PLPPR1: variants seen among roughly 807,000 people sequenced by gnomAD.
PLPPR1 encodes the protein phospholipid phosphatase-related protein type 1.
Under a neutral mutation model 33.1 loss-of-function variants are expected in PLPPR1, and 10 were observed. That is an observed-to-expected ratio of 0.30 (90% CI 0.19 to 0.51). PLPPR1 has a LOEUF of 0.51. PLPPR1 is among the 20% of genes least tolerant of loss of function. The probability of loss-of-function intolerance (pLI) is 0.97; values close to 1 mark genes in which losing one functional copy is unlikely to be tolerated. For synonymous variants in PLPPR1, 151 were observed against 151.0 expected, an observed-to-expected ratio of 1.00 and a Z score of 0.00; for missense variants, 304 against 408.1, an observed-to-expected ratio of 0.74 and a Z score of 2.20.
intron 4 of PLPPR1, among the ~76,000 whole-genome samples, chr9:101,297,578 G>A (rs1194708110): frequency 6.6e-6 from 1 of 152,074 alleles, no homozygotes; most frequent in African/African-American, 2.4e-5. Flanking sequence ...TTATAAGAAA[G>A]CTGCCTGTCC....
intron 1 of PLPPR1, among the ~76,000 whole-genome samples, chr9:101,142,953 G>C (rs1379158640): frequency 6.6e-6 from 1 of 152,064 alleles, no homozygotes; most frequent in African/African-American, 2.4e-5. Flanking sequence ...GCTTCTGTGA[G>C]GTAGATGTTC....
At chr9:101,241,336 T>C (rs924101665) in intron 2 of PLPPR1, among the ~76,000 whole-genome samples, 4 of 152,040 alleles carry the variant, frequency 2.6e-5, no homozygotes, top group African/African-American at 7.2e-5. Flanking sequence ...GGGTGTCCAG[T>C]CTTTTGGCTT....
At chr9:101,289,303 A>G (rs945545820) in intron 4 of PLPPR1, among the ~76,000 whole-genome samples, 11 of 152,210 alleles carry the variant, frequency 7.2e-5, no homozygotes, top group Non-Finnish European at 5.9e-5. Context: ...CCTTGCACCT[A>G]CATCTGTTAT....
chr9:101,202,582 C>T (rs1297727218), intron 2 of PLPPR1, among the ~76,000 whole-genome samples: 4 of 152,162 alleles, frequency 2.6e-5, no homozygotes, highest in African/African-American at 2.4e-5. Context: ...GATTTGAATG[C>T]AAGTAGTTTA....
intron 2 of PLPPR1, among the ~76,000 whole-genome samples, chr9:101,220,727 T>C (rs1758958120): frequency 6.6e-6 from 1 of 152,206 alleles, no homozygotes; most frequent in Non-Finnish European, 1.5e-5. Context: ...TAACTGTTTT[T>C]CCTCTTAAGC....
chr9:101,240,446 A>G (rs1320176090), intron 2 of PLPPR1, among the ~76,000 whole-genome samples: 1 of 150,500 alleles, frequency 6.6e-6, no homozygotes, highest in Non-Finnish European at 1.5e-5. Context: ...TATCATTGGC[A>G]TTTTGATTTG....
chr9:101,077,968 A>T (rs888870485), intron 1 of PLPPR1, among the ~76,000 whole-genome samples: 2 of 150,810 alleles, frequency 1.3e-5, no homozygotes, highest in Non-Finnish European at 2.9e-5. Flanking sequence ...AATGTTTATG[A>T]TCATTCCTTT....
chr9:101,287,291 C>T (rs1389616573), intron 4 of PLPPR1, among the ~76,000 whole-genome samples: 1 of 152,126 alleles, frequency 6.6e-6, no homozygotes, highest in East Asian at 1.9e-4. Flanking sequence ...ACAGGGTATA[C>T]CCTGATCAAT....
chr9:101,232,768 G>C (rs1827217531), intron 2 of PLPPR1, among the ~76,000 whole-genome samples: 1 of 151,850 alleles, frequency 6.6e-6, no homozygotes, highest in South Asian at 2.1e-4. Flanking sequence ...ATGAGGTCTT[G>C]GGCAAGTTAT....
rs183569157 is a variant in PLPPR1, at chr9:101,122,982, G to T, written c.-45-62468G>T. Among the ~76,000 whole-genome samples the T allele has an allele frequency of 1.6e-4, 25 of 152,288 alleles. No individual in the cohort carries two copies. In the East Asian group the frequency reaches 4.8e-3, roughly 29 times the overall value. On this transcript the variant is annotated intron_variant, in intron 1 of 7. Coordinates refer to ENST00000374874, the MANE Select transcript of PLPPR1 (RefSeq NM_207299.2). ...TACAATGTTTTGGGGCCTCATAAAA[G>T]CACTCTTCCCTTAGACCTGAATGTA...
At chr9:101,166,287 C>T (rs1825857155) in intron 1 of PLPPR1, among the ~76,000 whole-genome samples, 1 of 152,024 alleles carries the variant, frequency 6.6e-6, no homozygotes, top group South Asian at 2.1e-4. Context: ...ATCCAAAGAT[C>T]AGTTTTTCAT....
chr9:101,207,511 C>T (rs761776231), intron 2 of PLPPR1, among the ~76,000 whole-genome samples: 2 of 152,030 alleles, frequency 1.3e-5, no homozygotes, highest in African/African-American at 2.4e-5. Flanking sequence ...TTTTGAAAGT[C>T]GTTCCAGGGG....
chr9:101,162,411 A>T (rs1825777017), intron 1 of PLPPR1, among the ~76,000 whole-genome samples: 1 of 152,208 alleles, frequency 6.6e-6, no homozygotes, highest in Non-Finnish European at 1.5e-5. Flanking sequence ...CTTTGGTTAG[A>T]AACAGTTTTG....
chr9:101,127,603 G>A (rs1405076172), intron 1 of PLPPR1, among the ~76,000 whole-genome samples: 3 of 152,192 alleles, frequency 2.0e-5, no homozygotes, highest in Admixed American at 2.0e-4. Flanking sequence ...GGGAGAGCAA[G>A]GAGCAAAGAG....
intron 6 of PLPPR1, among the ~76,000 whole-genome samples, chr9:101,314,769 T>C (rs1829022434): frequency 6.6e-6 from 1 of 151,342 alleles, no homozygotes; most frequent in African/African-American, 2.4e-5. Flanking sequence ...AAAAAATATC[T>C]GCAACATGCA....
chr9:101,043,018 T>C (rs980372313), intron 1 of PLPPR1, among the ~76,000 whole-genome samples: 13 of 152,114 alleles, frequency 8.5e-5, no homozygotes, highest in Admixed American at 5.2e-4. Flanking sequence ...CCGGAGCAGT[T>C]ACACAGAACC....
intron 1 of PLPPR1, among the ~76,000 whole-genome samples, chr9:101,126,366 G>C (rs1831246685): frequency 6.6e-6 from 1 of 152,184 alleles, no homozygotes. Flanking sequence ...TAGACCAACT[G>C]TTCCTGAGGG....
chr9:101,256,384 A>C (rs1026103881), intron 2 of PLPPR1, among the ~76,000 whole-genome samples: 1 of 152,088 alleles, frequency 6.6e-6, no homozygotes, highest in Non-Finnish European at 1.5e-5. Flanking sequence ...TCTTTTAGAG[A>C]TATAGATGGT....
At chr9:101,062,900 T>G (rs1443916221) in intron 1 of PLPPR1, among the ~76,000 whole-genome samples, 1 of 152,060 alleles carries the variant, frequency 6.6e-6, no homozygotes, top group Non-Finnish European at 1.5e-5. Context: ...ATCCTCATGA[T>G]GATGATACCT....
Sources: gnomAD v4.1 joint callset for allele counts (sites outside exome capture counted in the v4.1 genomes callset) on GRCh38, gnomAD v4.1.1 for gene constraint, MANE v1.5 for transcripts, NCBI Gene and HGNC (gene_info 2026-07-23, HGNC 2026-07-21) for gene names.